The following PCAT7 variants were observed in gnomAD, a reference collection of about 807,000 sequenced individuals.
The protein encoded by PCAT7 is prostate cancer associated transcript 7 (non-protein coding).
At chr9:94,557,925 G>C (rs1827033707) in intron 1 of PCAT7, among the ~76,000 whole-genome samples, 1 of 152,176 alleles carries the variant, frequency 6.6e-6, no homozygotes, top group Admixed American at 6.5e-5. Flanking sequence ...CAAGTGACGA[G>C]TCATTTAACC....
At chr9:94,573,116 G>C (rs766531997) in intron 3 of PCAT7, 3 of 152,208 alleles carry the variant, frequency 2.0e-5, no homozygotes, top group Non-Finnish European at 2.9e-5. Context: ...CATATGTTGG[G>C]TAACAGTGGC....
At chr9:94,561,098 C>T (rs987941467) in intron 2 of PCAT7, among the ~76,000 whole-genome samples, 2 of 152,110 alleles carry the variant, frequency 1.3e-5, no homozygotes, top group South Asian at 2.1e-4. Flanking sequence ...CAGCTTATAG[C>T]GCTCAGCATT....
At chr9:94,555,959 A>G (rs1325460244) in intron 1 of PCAT7, among the ~76,000 whole-genome samples, 1 of 141,476 alleles carries the variant, frequency 7.1e-6, no homozygotes, top group Non-Finnish European at 1.5e-5. Context: ...AGTGGGAAGC[A>G]GGGGCAGACT....
intron 2 of PCAT7, chr9:94,571,570 G>A (rs555016192): frequency 6.2e-7 from 1 of 1,613,656 alleles, no homozygotes; most frequent in South Asian, 1.1e-5. Flanking sequence ...CACACTGCAG[G>A]GCATCCTTTT....
In PCAT7 at chr9:94,561,448, C is replaced by T. The variant is rs568103485; in HGVS notation, n.441+2296C>T. On this transcript the variant is annotated intron_variant and non_coding_transcript_variant, in intron 2 of 8. Coordinates refer to ENST00000647389, the Ensembl canonical transcript of PCAT7. ...CGCGATCTCGGCTCACTGCAAGCTCCGCCTCCCAGGTTCACGCCATTCTCC... is the reference window on the plus strand; with the variant it reads ...CGCGATCTCGGCTCACTGCAAGCTCTGCCTCCCAGGTTCACGCCATTCTCC... Among the ~76,000 whole-genome samples the T allele has an allele frequency of 2.7e-4, 40 of 145,822 alleles. No homozygotes were observed. The Middle Eastern group carries it at 0.012, about 43-fold the overall frequency.
chr9:94,560,624 G>A (rs73653485), intron 2 of PCAT7, among the ~76,000 whole-genome samples: 5,399 of 151,286 alleles, frequency 0.036, 307 homozygotes, highest in African/African-American at 0.12. Context: ...CTTCCAGTCC[G>A]TTTTGGTGAT....
intron 2 of PCAT7, chr9:94,567,677 G>A: frequency 2.6e-6 from 1 of 389,976 alleles, no homozygotes; most frequent in Non-Finnish European, 4.6e-6. Flanking sequence ...CTTTTCCTGT[G>A]CATCTTCCAC....
chr9:94,558,937 G>A (rs375171316), intron 1 of PCAT7: 46 of 1,613,840 alleles, frequency 2.9e-5, no homozygotes, highest in South Asian at 1.9e-4. Flanking sequence ...GGTCAAACTC[G>A]CTAGCTGCCT....
chr9:94,562,182 G>A (rs1827117779), intron 2 of PCAT7, among the ~76,000 whole-genome samples: 1 of 151,920 alleles, frequency 6.6e-6, no homozygotes, highest in African/African-American at 2.4e-5. Context: ...GTGGTGGCGG[G>A]CGCCTGTAGT....
intron 2 of PCAT7, among the ~76,000 whole-genome samples, chr9:94,561,771 C>T (rs1354125300): frequency 1.3e-5 from 2 of 152,036 alleles, no homozygotes; most frequent in Admixed American, 1.3e-4. Flanking sequence ...CACAGAGAGA[C>T]GTCGGCACAG....
chr9:94,559,683 T>A (rs549087641), intron 2 of PCAT7, among the ~76,000 whole-genome samples: 1 of 152,280 alleles, frequency 6.6e-6, no homozygotes, highest in East Asian at 1.9e-4. Flanking sequence ...CTTTTGACCC[T>A]TAGACTAAGT....
intron 3 of PCAT7, chr9:94,573,115 G>C (rs1827285630): frequency 1.3e-5 from 2 of 152,278 alleles, no homozygotes; most frequent in Middle Eastern, 3.4e-3. Context: ...ACATATGTTG[G>C]GTAACAGTGG....
chr9:94,567,441 G>C (rs1156601459), intron 2 of PCAT7: 1 of 1,574,336 alleles, frequency 6.4e-7, no homozygotes, highest in East Asian at 2.3e-5. Context: ...AGGAAGAAGA[G>C]AGAAGCCAGG....
rs1280946257 is a variant in PCAT7, at chr9:94,558,894, C to T, written n.258-75C>T. 1.9e-6 allele frequency: 3 copies of T among 1,583,852 alleles called. No individual in the cohort carries two copies. The Admixed American group carries it at 5.0e-5, about 26-fold the overall frequency. ...TTATCGTTCATTTAGGGTCCTTAGA[C>T]AAGGTGCAAGACAAACAGAAGAGGG... is the stretch of plus-strand genomic sequence containing the variant. On this transcript the variant is annotated intron_variant and non_coding_transcript_variant, in intron 1 of 8. Coordinates refer to ENST00000647389, the Ensembl canonical transcript of PCAT7.
intron 2 of PCAT7, among the ~76,000 whole-genome samples, chr9:94,565,345 G>A (rs1391812559): frequency 1.4e-5 from 2 of 138,260 alleles, no homozygotes; most frequent in African/African-American, 5.6e-5. Context: ...ACTTCAGCCT[G>A]GAGACAGAGC....
intron 2 of PCAT7, chr9:94,570,495 G>A (rs1827256760): frequency 6.6e-6 from 1 of 151,964 alleles, no homozygotes; most frequent in Non-Finnish European, 1.5e-5. Flanking sequence ...CATAGGACAG[G>A]TACTTTACAT....
At chr9:94,563,988 G>C (rs1827148563) in intron 2 of PCAT7, among the ~76,000 whole-genome samples, 1 of 152,144 alleles carries the variant, frequency 6.6e-6, no homozygotes, top group South Asian at 2.1e-4. Flanking sequence ...GATTCATAAA[G>C]CAAGTCCTTA....
chr9:94,562,097 G>T (rs999258173), intron 2 of PCAT7, among the ~76,000 whole-genome samples: 1 of 152,028 alleles, frequency 6.6e-6, no homozygotes, highest in Non-Finnish European at 1.5e-5. Flanking sequence ...GGATCACGAG[G>T]TCAGGAGATC....
upstream of PCAT7, among the ~76,000 whole-genome samples, chr9:94,554,690 G>A (rs1295122882): frequency 6.6e-6 from 1 of 152,194 alleles, no homozygotes; most frequent in Non-Finnish European, 1.5e-5. Flanking sequence ...TCTTCTTTCT[G>A]TCTTCCAGCC....
Sources: allele counts gnomAD v4.1 joint callset (sites outside exome capture counted in the v4.1 genomes callset), GRCh38; gene constraint gnomAD v4.1.1; transcripts MANE v1.5; gene names NCBI Gene and HGNC (gene_info 2026-07-23, HGNC 2026-07-21).